Variants in FRMD4A observed in about 807,000 individuals in gnomAD.
The protein encoded by FRMD4A is FERM domain containing 4A, also known as FERM domain-containing protein 4A.
FRMD4A carries 29 observed loss-of-function variants against 129.1 expected under a neutral mutation model. That is an observed-to-expected ratio of 0.22 (90% CI 0.17 to 0.31). FRMD4A has a LOEUF of 0.31. Ranked by LOEUF, FRMD4A falls within the 10% of genes least tolerant of loss-of-function variation. The pLI, the probability that FRMD4A is intolerant of heterozygous loss-of-function variation, is 1.00. For synonymous variants in FRMD4A, 634 were observed against 571.6 expected, an observed-to-expected ratio of 1.11 and a Z score of -1.56; for missense variants, 1,272 against 1,375.8, an observed-to-expected ratio of 0.92 and a Z score of 1.19.
chr10:13,705,815 G>A (rs1273934102), intron 13 of FRMD4A, among the ~76,000 whole-genome samples: 1 of 152,214 alleles, frequency 6.6e-6, no homozygotes, highest in East Asian at 1.9e-4. Flanking sequence ...CTGTGGAGAT[G>A]CAGAAACTCT....
chr10:13,796,562 T>C lies in FRMD4A; in HGVS notation c.233A>G (p.Asp78Gly). The change falls in exon 5 of 25, where the codon GAT becomes GGT. Residue 78 changes from aspartate to glycine, a missense_variant. Around this residue, in one of 2 missense-constraint regions of FRMD4A, gnomAD observed 300 missense variants for 483.6 expected, o/e 0.62. Coordinates refer to ENST00000357447, the MANE Select transcript of FRMD4A (RefSeq NM_018027.5). The part of the protein sequence containing the change: ...ETGHLNWLQL[D>G]RRVLEHDFPK... ...GAAGTCATGTTCCAATACTCTTCGA[T>C]CTAGCTGAAGCCAGTTTAAGTGTCC... 6.2e-7 allele frequency: 1 copy of C among 1,601,850 alleles called. No individual in the cohort carries two copies. The highest frequency in any genetic ancestry group is 8.6e-7 in the Non-Finnish European group (1 of 1,168,860).
chr10:13,982,502 G>GGGGAGGGGA (rs1565153426), intron 2 of FRMD4A, among the ~76,000 whole-genome samples: 5 of 110,492 alleles, frequency 4.5e-5, no homozygotes, highest in African/African-American at 2.1e-4. Context: ...AGGGGAGGGG[G>GGGGAGGGGA]GGGAAGGGAT....
rs139931739 is a variant in FRMD4A, at chr10:13,682,132, G to C, written c.1118-7088C>G. ...TCAGCTACGCTGGAGGCTGAGATGG[G>C]AGAATTCCTTCAGCAGAGGGTGTTG... is the stretch of plus-strand genomic sequence containing the variant. On this transcript the variant is annotated intron_variant, in intron 15 of 24. Transcript: ENST00000357447. 2.3e-3 allele frequency among the ~76,000 whole-genome samples: 354 copies of C among 152,248 alleles called. 3 individuals are homozygous for C. Among genetic ancestry groups the C allele is most frequent in the African/African-American group, 7.6e-3 (317 of 41,540 alleles).
intron 2 of FRMD4A, among the ~76,000 whole-genome samples, chr10:14,245,660 TAAGACGAGGAAATTTGGACAGACATTGC>T (rs1469802210): frequency 6.6e-6 from 1 of 152,036 alleles, no homozygotes; most frequent in Non-Finnish European, 1.5e-5. Context: ...GATGTCTCTG[TAAGACGAGGAAATTTGGACAGACATTGC>T]AAGACCATGT....
At chr10:13,698,407 A>G (rs1207150018) in intron 14 of FRMD4A, among the ~76,000 whole-genome samples, 1 of 152,184 alleles carries the variant, frequency 6.6e-6, no homozygotes, top group Admixed American at 6.5e-5. Flanking sequence ...TCTCTGTCCC[A>G]GCCCTGTCGG....
In FRMD4A at chr10:13,821,136, C is replaced by A. The variant is rs957913009; in HGVS notation, c.112-10228G>T. On this transcript the variant is annotated intron_variant, in intron 3 of 24. Transcript: ENST00000357447. This position sits in a 1 kb window ranked among gnomAD's most constrained non-coding sequence, Gnocchi z 4.3. ...TATTCCCGGGGAGGGGAAGCTGCTG[C>A]GGGGGGTGCATGAGGTGACTCTGTG... Among the ~76,000 whole-genome samples the A allele has an allele frequency of 6.6e-6, 1 of 152,048 alleles. No individual in the cohort carries two copies. The highest frequency in any genetic ancestry group is 1.5e-5 in the Non-Finnish European group (1 of 67,994).
intron 2 of FRMD4A, among the ~76,000 whole-genome samples, chr10:13,893,085 G>A (rs1365665070): frequency 6.6e-6 from 1 of 151,666 alleles, no homozygotes; most frequent in Admixed American, 6.6e-5. Flanking sequence ...CACCCAGGCT[G>A]GAGTGTGATG....
At chr10:14,148,558 T>C (rs757646913) in intron 2 of FRMD4A, among the ~76,000 whole-genome samples, 2 of 152,082 alleles carry the variant, frequency 1.3e-5, no homozygotes, top group African/African-American at 4.8e-5. Flanking sequence ...GGTCAGGAGT[T>C]CGAGACCAGC....
chr10:14,286,093 G>T (rs987990154), intron 2 of FRMD4A, among the ~76,000 whole-genome samples: 1 of 152,164 alleles, frequency 6.6e-6, no homozygotes, highest in African/African-American at 2.4e-5. Flanking sequence ...ATCAGAAATT[G>T]CCCTTACTTA....
rs560487122 is a variant in FRMD4A, at chr10:13,666,038, G to A, written c.1603+59C>T. ...GCAGGGACCACTCGTGGGACCTGGC[G>A]TCTGGTTGCCGGGGCCCGGGCGTGG... On this transcript the variant is annotated intron_variant, in intron 18 of 24. Coordinates refer to ENST00000357447, the MANE Select transcript of FRMD4A (RefSeq NM_018027.5). 145 of 979,444 alleles carry A rather than the reference G, an allele frequency of 1.5e-4. No homozygotes were observed. In the African/African-American group the frequency reaches 1.6e-3, roughly 11 times the overall value. The allele number at this position is 979,444 out of a possible 1,614,324, so 60.7% of individuals were successfully genotyped here.
chr10:14,311,490 G>A (rs867771702), intron 2 of FRMD4A, among the ~76,000 whole-genome samples: 3 of 152,088 alleles, frequency 2.0e-5, no homozygotes, highest in South Asian at 4.2e-4. Flanking sequence ...GCCCTTTCCA[G>A]TATGTCCAAT....
chr10:13,724,718 T>G (rs956183161), intron 12 of FRMD4A, among the ~76,000 whole-genome samples: 1 of 152,220 alleles, frequency 6.6e-6, no homozygotes, highest in Non-Finnish European at 1.5e-5. Flanking sequence ...TTTATTTGCA[T>G]GTTATAAATA....
At chr10:14,119,457 G>A (rs1345086441) in intron 2 of FRMD4A, among the ~76,000 whole-genome samples, 4 of 152,266 alleles carry the variant, frequency 2.6e-5, no homozygotes, top group African/African-American at 9.6e-5. Context: ...TTCCTAAGAC[G>A]TTCATCTAGG....
intron 2 of FRMD4A, among the ~76,000 whole-genome samples, chr10:14,143,635 A>G (rs921888211): frequency 5.9e-5 from 9 of 152,290 alleles, no homozygotes; most frequent in Middle Eastern, 3.4e-3. Flanking sequence ...TGTTTCTGAG[A>G]CAAGAGTCTT....
intron 2 of FRMD4A, among the ~76,000 whole-genome samples, chr10:14,221,792 C>T (rs1843270634): frequency 6.6e-6 from 1 of 151,968 alleles, no homozygotes; most frequent in Non-Finnish European, 1.5e-5. Context: ...TGGACTTAAG[C>T]AGTCCTCCTG....
intron 2 of FRMD4A, among the ~76,000 whole-genome samples, chr10:14,032,356 G>C (rs1407043730): frequency 6.6e-6 from 1 of 152,196 alleles, no homozygotes; most frequent in Non-Finnish European, 1.5e-5. Context: ...AACTCCAAAT[G>C]CTAATTGCCA....
chr10:13,749,907 T>C lies in FRMD4A; in HGVS notation c.465-2088A>G, dbSNP rs150738978. Among the ~76,000 whole-genome samples the C allele has an allele frequency of 2.4e-3, 366 of 150,324 alleles. 2 individuals are homozygous for C. The highest frequency in any genetic ancestry group is 8.2e-3 in the African/African-American group (336 of 40,784). On this transcript the variant is annotated intron_variant, in intron 8 of 24. Transcript: ENST00000357447. ...AGGATGAGGTTGCAGTAAGCTGTAA[T>C]TGCAACACCACACTCCAGCCTGGGT... is the stretch of plus-strand genomic sequence containing the variant.
intron 8 of FRMD4A, among the ~76,000 whole-genome samples, chr10:13,756,721 G>C (rs1469612293): frequency 1.3e-5 from 2 of 152,170 alleles, no homozygotes; most frequent in Non-Finnish European, 2.9e-5. Flanking sequence ...CAGAAGGGCT[G>C]GCAGAGGTGA....
At chr10:14,064,645 T>A (rs1452866600) in intron 2 of FRMD4A, among the ~76,000 whole-genome samples, 3 of 152,176 alleles carry the variant, frequency 2.0e-5, no homozygotes, top group Admixed American at 6.5e-5. Flanking sequence ...TGGCGCGATC[T>A]CGGCTCACTG....
Sources: allele counts gnomAD v4.1 joint callset (sites outside exome capture counted in the v4.1 genomes callset), GRCh38; gene constraint gnomAD v4.1.1; regional missense constraint gnomAD v4.1.1; non-coding constraint Gnocchi (gnomAD v3.1); transcripts MANE v1.5; gene names NCBI Gene and HGNC (gene_info 2026-07-23, HGNC 2026-07-21).